Variants in PKHD1 observed in about 807,000 individuals in gnomAD.
PKHD1 encodes fibrocystin.
Under a neutral mutation model 412.0 loss-of-function variants are expected in PKHD1, and 291 were observed. The ratio of observed to expected loss-of-function variants is 0.71; its 90% CI spans 0.64 to 0.78. The LOEUF is 0.78. Among genes scored for constraint, PKHD1 ranks in the 30% least tolerant of loss-of-function variants. The pLI, the probability that PKHD1 is intolerant of heterozygous loss-of-function variation, is 0.00. For synonymous variants in PKHD1, 1,777 were observed against 1,821.5 expected, an observed-to-expected ratio of 0.98 and a Z score of 0.62; for missense variants, 4,825 against 4,950.7, an observed-to-expected ratio of 0.97 and a Z score of 0.76.
At chr6:51,626,112 G>GCA (rs139345658) in intron 66 of PKHD1, among the ~76,000 whole-genome samples, 68 of 151,106 alleles carry the variant, frequency 4.5e-4, no homozygotes, top group African/African-American at 1.3e-3. Context: ...ATGTGTGCAT[G>GCA]CACACACACA....
At chr6:51,997,860 T>G (rs983695401) in intron 35 of PKHD1, among the ~76,000 whole-genome samples, 2 of 152,174 alleles carry the variant, frequency 1.3e-5, no homozygotes, top group Non-Finnish European at 2.9e-5. Context: ...GTCCCATCAG[T>G]CGTTTCTGCC....
intron 36 of PKHD1, among the ~76,000 whole-genome samples, chr6:51,936,557 C>CA (rs1362700348): frequency 2.0e-5 from 3 of 151,954 alleles, no homozygotes; most frequent in Admixed American, 2.0e-4. Flanking sequence ...AGGAAAAAGG[C>CA]AAAAATGACT....
intron 52 of PKHD1, among the ~76,000 whole-genome samples, chr6:51,824,018 G>T (rs1157035505): frequency 6.6e-6 from 1 of 152,074 alleles, no homozygotes; most frequent in Non-Finnish European, 1.5e-5. Flanking sequence ...GAAGCATGGG[G>T]ACTAAAATTT....
intron 61 of PKHD1, among the ~76,000 whole-genome samples, chr6:51,658,722 T>C (rs1772301755): frequency 6.6e-6 from 1 of 152,108 alleles, no homozygotes; most frequent in Admixed American, 6.6e-5. Flanking sequence ...AATCAAAATA[T>C]AATGTTTTCT....
chr6:51,637,487 T>C (rs1371412362), intron 64 of PKHD1, among the ~76,000 whole-genome samples: 4 of 152,120 alleles, frequency 2.6e-5, no homozygotes, highest in Non-Finnish European at 4.4e-5. Context: ...AGGTTATTTA[T>C]CTCATTAATG....
chr6:51,905,872 C>A (rs12215349), intron 41 of PKHD1, among the ~76,000 whole-genome samples: 3,554 of 152,208 alleles, frequency 0.023, 56 homozygotes, highest in South Asian at 0.041. Flanking sequence ...ATTTTTAAAT[C>A]CTTGGCCAAC....
At chr6:51,673,349 T>C (rs141109939) in intron 60 of PKHD1, among the ~76,000 whole-genome samples, 1 of 152,340 alleles carries the variant, frequency 6.6e-6, no homozygotes, top group African/African-American at 2.4e-5. Flanking sequence ...AGCTTCCCCA[T>C]GCCAACAGCA....
chr6:52,077,209 G>A (rs1173877495), intron 5 of PKHD1, among the ~76,000 whole-genome samples: 1 of 152,182 alleles, frequency 6.6e-6, no homozygotes, highest in East Asian at 1.9e-4. Flanking sequence ...GGAAGGAGAG[G>A]TGAGAACGAG....
At chr6:51,994,279 C>T (rs972954067) in intron 35 of PKHD1, among the ~76,000 whole-genome samples, 13 of 152,194 alleles carry the variant, frequency 8.5e-5, no homozygotes, top group Non-Finnish European at 1.6e-4. Flanking sequence ...GGACTACAGG[C>T]GCCTGCCACC....
chr6:52,031,892 C>T (rs1391908756), intron 29 of PKHD1, among the ~76,000 whole-genome samples: 6 of 152,202 alleles, frequency 3.9e-5, no homozygotes, highest in Non-Finnish European at 8.8e-5. Flanking sequence ...ACTTTTGGAG[C>T]ACTTGGTCAA....
At position 52,046,018 on chromosome 6, in the gene PKHD1, G is replaced by A; in HGVS notation, c.2578C>T (p.Pro860Ser). The A allele has an allele frequency of 6.2e-7, 1 of 1,613,004 alleles. No homozygotes were observed. The highest frequency in any genetic ancestry group is 8.5e-7 in the Non-Finnish European group (1 of 1,179,172). ...ACTATACATACCCTGATAAAATTGG[G>A]CAAATCCCCAATCTGAGTGGACCAG... ...LSWSTQIGDLPNFIRVSDENL... is the reference protein window; with the variant it reads ...LSWSTQIGDLSNFIRVSDENL... Residue 860 changes from proline to serine, a missense_variant, in exon 24 of 67, where the codon CCC becomes TCC. Transcript: ENST00000371117.
intron 53 of PKHD1, among the ~76,000 whole-genome samples, chr6:51,776,787 A>G (rs1192014780): frequency 2.0e-5 from 3 of 152,100 alleles, no homozygotes; most frequent in Non-Finnish European, 4.4e-5. Context: ...ATAAAGACTC[A>G]TAAAGACATA....
Position 51,867,294 on chromosome 6 carries a change from G to A in PKHD1, c.7733+569C>T, listed in dbSNP as rs545636025. On this transcript the variant is annotated intron_variant, in intron 48 of 66. Coordinates refer to ENST00000371117, the MANE Select transcript of PKHD1 (RefSeq NM_138694.4). ...CCTATTATGCATTATAAACAGCCCC[G>A]CTGCTGACTTAATGGTAGTTTGAGT... Among the ~76,000 whole-genome samples, 7 of 152,260 alleles carry A rather than the reference G, an allele frequency of 4.6e-5. No individual in the cohort carries two copies. The South Asian group carries it at 6.2e-4, about 13-fold the overall frequency.
At position 51,847,904 on chromosome 6, in the gene PKHD1, GCGGCA is replaced by G. The variant is rs1583013487; in HGVS notation, c.7973_7977del (p.Leu2658SerfsTer4). The G allele has an allele frequency of 1.2e-6, 2 of 1,613,958 alleles. No individual in the cohort carries two copies. The highest frequency in any genetic ancestry group is 1.7e-6 in the Non-Finnish European group (2 of 1,179,838). On this transcript the variant is annotated frameshift_variant, in exon 50 of 67. Transcript: ENST00000371117. LOFTEE classifies it high-confidence loss of function. ...CATCTTAGGAGGATGTCAGGGTAAG[GCGGCA>G]AATCTGTGTGCACCAGCAGTAGGTA...
chr6:51,903,357 G>A (rs1474438393), intron 43 of PKHD1, among the ~76,000 whole-genome samples: 1 of 152,180 alleles, frequency 6.6e-6, no homozygotes, highest in Admixed American at 6.5e-5. Flanking sequence ...AGATGGCTTT[G>A]AATGTGGCCA....
In PKHD1 at chr6:51,899,468, C is replaced by G. The variant is rs575218414; in HGVS notation, c.6996+4129G>C. On this transcript the variant is annotated intron_variant, in intron 43 of 66. Coordinates refer to ENST00000371117, the MANE Select transcript of PKHD1 (RefSeq NM_138694.4). ...AAGGCCTTTGACAAAATTCAACAAC[C>G]CTTCATGCTAAAAACTCTCAATAAA... Among the ~76,000 whole-genome samples, 497 of 152,004 alleles carry G rather than the reference C, an allele frequency of 3.3e-3. 5 individuals are homozygous for G. The highest frequency in any genetic ancestry group is 9.9e-3 in the African/African-American group (409 of 41,434).
intron 60 of PKHD1, among the ~76,000 whole-genome samples, chr6:51,703,918 G>A (rs1251562194): frequency 6.6e-6 from 1 of 151,966 alleles, no homozygotes; most frequent in Non-Finnish European, 1.5e-5. Flanking sequence ...CTACTGTTTT[G>A]GAGGGAATGC....
intron 23 of PKHD1, among the ~76,000 whole-genome samples, chr6:52,047,851 T>C (rs1189644664): frequency 6.6e-6 from 1 of 152,174 alleles, no homozygotes; most frequent in Admixed American, 6.5e-5. Context: ...CCAGAAAATA[T>C]GAATGTTAAC....
chr6:51,740,974 C>T lies in PKHD1; in HGVS notation c.10156+3411G>A, dbSNP rs577121612. Among the ~76,000 whole-genome samples, 8 of 152,264 alleles carry T rather than the reference C, an allele frequency of 5.3e-5. No homozygotes were observed. The South Asian group carries it at 1.7e-3, about 32-fold the overall frequency. On this transcript the variant is annotated intron_variant, in intron 60 of 66. Transcript: ENST00000371117. ...GGGTTTAGGCAATCAGTCATATATACCTCCATACAGACATTCAGCCACTCA... is the reference window on the plus strand; with the variant it reads ...GGGTTTAGGCAATCAGTCATATATATCTCCATACAGACATTCAGCCACTCA...
Sources: allele counts gnomAD v4.1 joint callset (sites outside exome capture counted in the v4.1 genomes callset), GRCh38; gene constraint gnomAD v4.1.1; transcripts MANE v1.5; gene names NCBI Gene and HGNC (gene_info 2026-07-23, HGNC 2026-07-21).